The following EVI5L variants were observed in gnomAD, a reference collection of about 807,000 sequenced individuals.
EVI5L encodes the protein ecotropic viral integration site 5 like, also known as EVI5-like protein.
EVI5L carries 30 observed loss-of-function variants against 106.1 expected under a neutral mutation model. The observed-to-expected ratio is 0.28, with a 90% CI of 0.21 to 0.38. The LOEUF is 0.38. EVI5L is among the 10% of genes least tolerant of loss of function. The probability of loss-of-function intolerance (pLI) is 1.00; values close to 1 mark genes in which losing one functional copy is unlikely to be tolerated. For synonymous variants in EVI5L, 489 were observed against 483.3 expected, an observed-to-expected ratio of 1.01 and a Z score of -0.15; for missense variants, 809 against 1,098.0, an observed-to-expected ratio of 0.74 and a Z score of 3.72.
intron 1 of EVI5L, among the ~76,000 whole-genome samples, chr19:7,840,156 C>T (rs1016506790): frequency 1.3e-5 from 2 of 152,280 alleles, no homozygotes; most frequent in Non-Finnish European, 1.5e-5. Context: ...AGAGCATCTC[C>T]GCATGAGGGG....
chr19:7,855,540 A>G (rs531860232), intron 10 of EVI5L, among the ~76,000 whole-genome samples: 2 of 152,338 alleles, frequency 1.3e-5, no homozygotes, highest in East Asian at 3.9e-4. Flanking sequence ...TTGTCGAGAA[A>G]GGATGCATGA....
At chr19:7,847,974 C>T (rs1007136576) in intron 3 of EVI5L, 53 bp downstream of exon 3, 64 of 1,490,408 alleles carry the variant, frequency 4.3e-5, no homozygotes, top group African/African-American at 2.3e-4. Context: ...GCAGGTGGTG[C>T]GGTCACTCAG....
chr19:7,853,413 T>C, intron 10 of EVI5L, 80 bp downstream of exon 10: 1 of 1,536,304 alleles, frequency 6.5e-7, no homozygotes, highest in Non-Finnish European at 8.8e-7. Flanking sequence ...GATCGGCCGC[T>C]AGGGGGCGGG....
In EVI5L at chr19:7,858,048, T is replaced by C. The variant is rs1343000381; in HGVS notation, c.1234-143T>C. 1 of 977,300 alleles carries C rather than the reference T, an allele frequency of 1.0e-6. No individual in the cohort carries two copies. Among genetic ancestry groups the C allele is most frequent in the Non-Finnish European group, 1.5e-6 (1 of 672,482 alleles). 60.5% of individuals were successfully genotyped at this position (977,300 alleles called of 1,614,324 possible). On this transcript the variant is annotated intron_variant, in intron 12 of 19. Coordinates refer to ENST00000538904, the MANE Select transcript of EVI5L (RefSeq NM_001159944.3). The surrounding 1 kb of genome is among the most constrained non-coding windows in gnomAD (Gnocchi z 5.7). Reference sequence around the variant, plus strand: ...GTCCCCAGGCCCAGTGGGACGCTCATCCCAGGCTCTGAGTACGGGAGGCCC... The same window carrying C: ...GTCCCCAGGCCCAGTGGGACGCTCACCCCAGGCTCTGAGTACGGGAGGCCC...
Position 7,846,490 on chromosome 19 carries a change from C to A in EVI5L, c.-47-6C>A. 3 of 1,558,016 alleles carry A rather than the reference C, an allele frequency of 1.9e-6. No homozygotes were observed. Among genetic ancestry groups the A allele is most frequent in the Non-Finnish European group, 2.6e-6 (3 of 1,151,858 alleles). ...AATGCCGACCACGCATGTCTCTGGCCCCCAGACAGAGCTGTGAACCAACCC... is the reference window on the plus strand; with the variant it reads ...AATGCCGACCACGCATGTCTCTGGCACCCAGACAGAGCTGTGAACCAACCC... On this transcript the variant is annotated splice_polypyrimidine_tract_variant and splice_region_variant and intron_variant, in intron 1 of 19. Coordinates refer to ENST00000538904, the MANE Select transcript of EVI5L (RefSeq NM_001159944.3).
chr19:7,844,792 G>A (rs2146421204), intron 1 of EVI5L, among the ~76,000 whole-genome samples: 1 of 152,304 alleles, frequency 6.6e-6, no homozygotes, highest in South Asian at 2.1e-4. Flanking sequence ...ACGCTTGAGG[G>A]CCCAAGGTAG....
Position 7,858,050 on chromosome 19 carries a change from C to A in EVI5L, c.1234-141C>A. 1.0e-6 allele frequency: 1 copy of A among 1,004,228 alleles called. No homozygotes were observed. Among genetic ancestry groups the A allele is most frequent in the Non-Finnish European group, 1.4e-6 (1 of 696,450 alleles). 62.2% of individuals were successfully genotyped at this position (1,004,228 alleles called of 1,614,324 possible). ...CCCCAGGCCCAGTGGGACGCTCATC[C>A]CAGGCTCTGAGTACGGGAGGCCCCC... On this transcript the variant is annotated intron_variant, in intron 12 of 19. Coordinates refer to ENST00000538904, the MANE Select transcript of EVI5L (RefSeq NM_001159944.3). The surrounding 1 kb of genome is among the most constrained non-coding windows in gnomAD (Gnocchi z 5.7).
chr19:7,846,423 T>C (rs1050670274), intron 1 of EVI5L, 73 bp from the exon 2 acceptor site: 1 of 1,373,788 alleles, frequency 7.3e-7, no homozygotes, highest in Admixed American at 2.4e-5. Context: ...GGTGAGGAAA[T>C]GTCCCGAGGG....
intron 13 of EVI5L, among the ~76,000 whole-genome samples, chr19:7,859,469 T>A (rs1411815637): frequency 6.6e-6 from 1 of 152,214 alleles, no homozygotes; most frequent in Non-Finnish European, 1.5e-5. Context: ...AGACTGTGGC[T>A]CAAGCCTTGG....
At chr19:7,843,259 T>TGA (rs1412679288) in intron 1 of EVI5L, among the ~76,000 whole-genome samples, 3 of 146,076 alleles carry the variant, frequency 2.1e-5, no homozygotes, top group East Asian at 2.1e-4. Context: ...TGTATAGGTG[T>TGA]GTGTGAGAAT....
At chr19:7,847,959 CGTG>C in intron 3 of EVI5L, 38 bp downstream of exon 3, 1 of 1,512,302 alleles carries the variant, frequency 6.6e-7, no homozygotes. Flanking sequence ...GGGCCGACGG[CGTG>C]GGCAGGTGGT....
chr19:7,843,762 G>A (rs1004197313), intron 1 of EVI5L, among the ~76,000 whole-genome samples: 1 of 151,946 alleles, frequency 6.6e-6, no homozygotes, highest in Non-Finnish European at 1.5e-5. Flanking sequence ...GTGGGGGTGG[G>A]TGTGAATGTG....
intron 1 of EVI5L, among the ~76,000 whole-genome samples, chr19:7,831,070 G>T (rs552134681): frequency 6.6e-6 from 1 of 150,484 alleles, no homozygotes; most frequent in African/African-American, 2.5e-5. Context: ...ACTCCCCGGC[G>T]TCCACCCAGC....
intron 1 of EVI5L, among the ~76,000 whole-genome samples, chr19:7,844,938 C>T (rs923434274): frequency 3.9e-5 from 6 of 152,192 alleles, no homozygotes; most frequent in Non-Finnish European, 8.8e-5. Flanking sequence ...TCCATCCAAC[C>T]TGTAGGCCCT....
chr19:7,863,592 G>A lies in EVI5L; in HGVS notation c.2308G>A (p.Asp770Asn), dbSNP rs754933940. ...QDALYPLSPRDARFFRRLERP... is the reference protein window; with the variant it reads ...QDALYPLSPRNARFFRRLERP... ...CGCATTGTACCCTCTGTCCCCGCGC[G>A]ATGCGCGCTTCTTCCGCCGTCTGGA... Residue 770 changes from aspartate (D) to asparagine (N), a missense_variant, in exon 20 of 20, where the codon GAT becomes AAT. Physicochemically the swap from Asp to Asn is conservative, Grantham distance 23 (BLOSUM62 1). Coordinates refer to ENST00000538904, the MANE Select transcript of EVI5L (RefSeq NM_001159944.3). The surrounding 1 kb of genome is among the most constrained non-coding windows in gnomAD (Gnocchi z 7.7). 13 of 1,584,776 alleles carry A rather than the reference G, an allele frequency of 8.2e-6. No homozygotes were observed. Among genetic ancestry groups the A allele is most frequent in the East Asian group, 2.3e-5 (1 of 43,152 alleles).
Position 7,858,301 on chromosome 19 carries a change from G to A in EVI5L, c.1344G>A (p.Gln448=). The change falls in exon 13 of 20, where the codon CAG becomes CAA. Residue 448 remains glutamine (Q), a synonymous_variant. Transcript: ENST00000538904. This position sits in a 1 kb window ranked among gnomAD's most constrained non-coding sequence, Gnocchi z 5.7. ...CGGCCGAGGACCTGCAGAAGGCACA[G>A]AGCACCATCCGGCAGCTACAGGAGC... ...SSAAEDLQKA[Q]STIRQLQEQQ... The A allele has an allele frequency of 1.3e-6, 2 of 1,549,478 alleles. No individual in the cohort carries two copies. Among genetic ancestry groups the A allele is most frequent in the Non-Finnish European group, 1.7e-6 (2 of 1,147,264 alleles).
At chr19:7,855,994 G>A (rs1323581214) in intron 10 of EVI5L, 21 bp from the exon 11 acceptor site, 1 of 1,324,514 alleles carries the variant, frequency 7.5e-7, no homozygotes, top group East Asian at 2.8e-5. Context: ...GCTATGACGT[G>A]ATCTCCCCCC....
intron 10 of EVI5L, chr19:7,853,677 A>C: frequency 2.9e-6 from 1 of 341,138 alleles, no homozygotes; most frequent in Non-Finnish European, 5.6e-6. Context: ...TGACTTGGGC[A>C]GAGGCTCCGG....
Position 7,850,410 on chromosome 19 carries a change from C to T in EVI5L, c.753+288C>T, listed in dbSNP as rs757213642. 2.6e-5 allele frequency among the ~76,000 whole-genome samples: 4 copies of T among 152,158 alleles called. No homozygotes were observed. Among genetic ancestry groups the T allele is most frequent in the Non-Finnish European group, 4.4e-5 (3 of 68,020 alleles). ...GAGGCAGAGGGGTGGGGCAGGCTCA[C>T]ATCGGACACAGCCACAGCCACCTCC... On this transcript the variant is annotated intron_variant, in intron 6 of 19. Coordinates refer to ENST00000538904, the MANE Select transcript of EVI5L (RefSeq NM_001159944.3). The surrounding 1 kb of genome is among the most constrained non-coding windows in gnomAD (Gnocchi z 5.4).
Sources: allele counts gnomAD v4.1 joint callset (sites outside exome capture counted in the v4.1 genomes callset), GRCh38; gene constraint gnomAD v4.1.1; non-coding constraint Gnocchi (gnomAD v3.1); transcripts MANE v1.5; gene names NCBI Gene and HGNC (gene_info 2026-07-23, HGNC 2026-07-21).